BLTP3A: variants seen among roughly 807,000 people sequenced by gnomAD.
BLTP3A encodes the protein bridge-like lipid transfer protein family member 3A.
chr6:34,795,613 G>A, the BLTP3A span, among the ~76,000 whole-genome samples: 52 of 144,668 alleles, frequency 3.6e-4, no homozygotes, highest in Non-Finnish European at 7.1e-4. Flanking sequence ...ATGTTAGCCA[G>A]GATGGTCTCG....
chr6:34,847,372 T>C, the BLTP3A span, among the ~76,000 whole-genome samples: 2 of 152,148 alleles, frequency 1.3e-5, no homozygotes, highest in Non-Finnish European at 2.9e-5. Flanking sequence ...ATAATTTGAA[T>C]AGGATAGGTA....
chr6:34,843,199 G>A, the BLTP3A span, among the ~76,000 whole-genome samples: 2 of 152,074 alleles, frequency 1.3e-5, no homozygotes, highest in Non-Finnish European at 2.9e-5. Flanking sequence ...ACCAGGGCTG[G>A]TCTTGAACTC....
chr6:34,832,123 CTT>C, the BLTP3A span, among the ~76,000 whole-genome samples: 12 of 141,800 alleles, frequency 8.5e-5, no homozygotes, highest in Non-Finnish European at 1.2e-4. Flanking sequence ...TTTTTTCTTT[CTT>C]TTTTTTTTTT....
chr6:34,826,427 C>T, the BLTP3A span, among the ~76,000 whole-genome samples: 7 of 150,602 alleles, frequency 4.6e-5, no homozygotes, highest in East Asian at 3.9e-4. Flanking sequence ...GGTGCAGTCA[C>T]GGCTCACTGC....
At chr6:34,858,906 G>A in the BLTP3A span, 2 of 1,614,174 alleles carry the variant, frequency 1.2e-6, no homozygotes, top group Non-Finnish European at 1.7e-6. Flanking sequence ...GGCTTCAGGA[G>A]CAGCTGACTA....
chr6:34,829,799 C>A, the BLTP3A span, among the ~76,000 whole-genome samples: 1 of 151,372 alleles, frequency 6.6e-6, no homozygotes, highest in East Asian at 1.9e-4. Context: ...TGCTACCATA[C>A]CTAGCTACTT....
the BLTP3A span, among the ~76,000 whole-genome samples, chr6:34,809,456 C>G: frequency 6.6e-6 from 1 of 152,160 alleles, no homozygotes; most frequent in South Asian, 2.1e-4. Context: ...TAATAAAAGA[C>G]AGTTGACCCT....
At chr6:34,871,040 C>G in the BLTP3A span, 1 of 1,614,124 alleles carries the variant, frequency 6.2e-7, no homozygotes, top group Non-Finnish European at 8.5e-7. Context: ...GGCCTGGGGC[C>G]CTTCTTGGAG....
chr6:34,847,592 T>C, the BLTP3A span, among the ~76,000 whole-genome samples: 2 of 152,040 alleles, frequency 1.3e-5, no homozygotes, highest in Non-Finnish European at 2.9e-5. Context: ...TTATTGCTCA[T>C]GGTAGTCTCT....
chr6:34,837,399 G>C, the BLTP3A span, among the ~76,000 whole-genome samples: 1 of 152,042 alleles, frequency 6.6e-6, no homozygotes, highest in Non-Finnish European at 1.5e-5. Context: ...AAATTAGCCA[G>C]AGATCAGCTG....
the BLTP3A span, chr6:34,858,780 A>C: frequency 6.2e-7 from 1 of 1,614,168 alleles, no homozygotes; most frequent in African/African-American, 1.3e-5. Context: ...GGCCTCTGAC[A>C]GAGCTGGAGG....
the BLTP3A span, chr6:34,859,181 A>T: frequency 3.1e-6 from 5 of 1,614,094 alleles, no homozygotes; most frequent in Non-Finnish European, 4.2e-6. Flanking sequence ...GAAAATCAGG[A>T]TGTATCCCAG....
At chr6:34,834,110 A>C in the BLTP3A span, 1 of 1,238,666 alleles carries the variant, frequency 8.1e-7, no homozygotes, top group South Asian at 1.6e-5. Flanking sequence ...TCAAAAAAAT[A>C]AAAAGACTAC....
At chr6:34,859,379 T>C in the BLTP3A span, 1 of 1,614,012 alleles carries the variant, frequency 6.2e-7, no homozygotes, top group Non-Finnish European at 8.5e-7. Flanking sequence ...CAGGGTGAGC[T>C]CATCCCCTTG....
chr6:34,854,860 G>GA, the BLTP3A span, among the ~76,000 whole-genome samples: 3 of 152,154 alleles, frequency 2.0e-5, no homozygotes, highest in Admixed American at 2.0e-4. Context: ...ATACTAGTAG[G>GA]AGACAGGCTG....
chr6:34,850,649 C>G, the BLTP3A span, among the ~76,000 whole-genome samples: 2 of 152,126 alleles, frequency 1.3e-5, no homozygotes, highest in African/African-American at 2.4e-5. Flanking sequence ...TTTTGAGACT[C>G]TGATGCATTC....
chr6:34,806,058 A>T, the BLTP3A span, among the ~76,000 whole-genome samples: 1 of 152,222 alleles, frequency 6.6e-6, no homozygotes, highest in Non-Finnish European at 1.5e-5. Flanking sequence ...TGGTTTAACA[A>T]GTCTGATTAA....
the BLTP3A span, chr6:34,871,055 A>C: frequency 6.2e-7 from 1 of 1,614,000 alleles, no homozygotes; most frequent in South Asian, 1.1e-5. Flanking sequence ...TTGGAGGATG[A>C]GGAGATCCCG....
At chr6:34,841,735 G>A in the BLTP3A span, among the ~76,000 whole-genome samples, 1 of 152,048 alleles carries the variant, frequency 6.6e-6, no homozygotes, top group African/African-American at 2.4e-5. Flanking sequence ...TCTTGAGGTG[G>A]GACAGCATTG....
Sources: allele counts gnomAD v4.1 joint callset (sites outside exome capture counted in the v4.1 genomes callset), GRCh38; gene constraint gnomAD v4.1.1; transcripts MANE v1.5; gene names NCBI Gene and HGNC (gene_info 2026-07-23, HGNC 2026-07-21).